Variants in ALMS1 observed in about 807,000 individuals in gnomAD.
The protein encoded by ALMS1 is centrosome-associated protein ALMS1.
In ALMS1, 271 loss-of-function variants were observed where a neutral mutation model predicts 352.2. The observed-to-expected ratio is 0.77, with a 90% CI of 0.70 to 0.85. ALMS1 has a LOEUF of 0.85. Among genes scored for constraint, ALMS1 ranks in the 40% least tolerant of loss-of-function variants. The pLI is 0.00. For missense variants in ALMS1, 5,445 were observed against 4,870.7 expected (o/e 1.12, Z -3.51); for synonymous variants, 1,865 against 1,761.2 (o/e 1.06, Z -1.48).
At chr2:73,570,483 G>A (rs912563237) in intron 15 of ALMS1, among the ~76,000 whole-genome samples, 1 of 152,154 alleles carries the variant, frequency 6.6e-6, no homozygotes, top group Non-Finnish European at 1.5e-5. Flanking sequence ...GTAATTTGAA[G>A]AGGGAATTGG....
chr2:73,405,027 T>C (rs1670946688), intron 1 of ALMS1, among the ~76,000 whole-genome samples: 1 of 145,252 alleles, frequency 6.9e-6, no homozygotes, highest in African/African-American at 2.5e-5. Flanking sequence ...TCCTCCTACC[T>C]CAGCCTCCCA....
chr2:73,432,550 T>G (rs1418092232), intron 7 of ALMS1, among the ~76,000 whole-genome samples: 1 of 152,168 alleles, frequency 6.6e-6, no homozygotes, highest in Non-Finnish European at 1.5e-5. Flanking sequence ...GCTGGGAGAT[T>G]CAGTGTCTTG....
intron 10 of ALMS1, among the ~76,000 whole-genome samples, chr2:73,512,187 C>T (rs562395079): frequency 2.6e-5 from 4 of 152,244 alleles, no homozygotes; most frequent in African/African-American, 7.2e-5. Flanking sequence ...CGGGTTCAAG[C>T]GATTCTCCTG....
intron 4 of ALMS1, among the ~76,000 whole-genome samples, chr2:73,423,669 TGA>T (rs1671325420): frequency 6.6e-6 from 1 of 152,206 alleles, no homozygotes; most frequent in African/African-American, 2.4e-5. Context: ...ATCACTTTTA[TGA>T]AAAGTGATCT....
Position 73,451,652 on chromosome 2 carries a change from T to G in ALMS1, c.5125T>G (p.Ser1709Ala), listed in dbSNP as rs749850118. The G allele has an allele frequency of 3.1e-6, 5 of 1,614,080 alleles. No homozygotes were observed. The South Asian group carries it at 5.5e-5, about 18-fold the overall frequency. ...AQKTETPSVSSSLYSYREKPI... is the reference protein window; with the variant it reads ...AQKTETPSVSASLYSYREKPI... ...GAAGACTGAGACACCATCAGTATCC[T>G]CTAGTTTATACTCATATAGAGAGAA... Residue 1709 changes from serine to alanine, a missense_variant, in exon 8 of 23, where the codon TCT becomes GCT. By Grantham distance (99) the Ser-to-Ala change is moderately conservative. Transcript: ENST00000613296.
intron 10 of ALMS1, among the ~76,000 whole-genome samples, chr2:73,514,031 A>G (rs539248072): frequency 1.3e-5 from 2 of 152,198 alleles, no homozygotes; most frequent in Non-Finnish European, 2.9e-5. Context: ...GAGAGGGGAA[A>G]GAGAATAGGA....
At chr2:73,563,100 A>C (rs552726948) in intron 15 of ALMS1, among the ~76,000 whole-genome samples, 1 of 151,948 alleles carries the variant, frequency 6.6e-6, no homozygotes, top group Admixed American at 6.5e-5. Context: ...CTATATTAAA[A>C]AAAAAAAAAC....
intron 1 of ALMS1, among the ~76,000 whole-genome samples, chr2:73,391,173 A>G (rs932965677): frequency 1.3e-5 from 2 of 151,600 alleles, no homozygotes; most frequent in African/African-American, 2.4e-5. Context: ...ATCCCCCCAT[A>G]AGCAGGTTAC....
chr2:73,481,145 C>T (rs1330846116), intron 9 of ALMS1, among the ~76,000 whole-genome samples: 1 of 152,150 alleles, frequency 6.6e-6, no homozygotes, highest in Non-Finnish European at 1.5e-5. Flanking sequence ...ACATGAAGTC[C>T]TTGCCCACAC....
rs559872736 is a variant in ALMS1 at position 73,576,030 on chromosome 2, T to C, written c.11547+2606T>C. On this transcript the variant is annotated intron_variant, in intron 16 of 22. Transcript: ENST00000613296. ...AGATAAGGGTCCACCTTCATTCTTC[T>C]GCATGTGAATATCCCGTTTTCTCAA... Among the ~76,000 whole-genome samples, 42 of 152,334 alleles carry C rather than the reference T, an allele frequency of 2.8e-4. 2 individuals are homozygous for C. The South Asian group carries it at 8.7e-3, about 32-fold the overall frequency.
intron 12 of ALMS1, among the ~76,000 whole-genome samples, chr2:73,542,422 G>C (rs1303336057): frequency 6.6e-6 from 1 of 152,120 alleles, no homozygotes; most frequent in Non-Finnish European, 1.5e-5. Flanking sequence ...ATTACTGAAT[G>C]GGAAAAAACT....
chr2:73,578,874 A>T (rs539127009), intron 16 of ALMS1, among the ~76,000 whole-genome samples: 2 of 152,026 alleles, frequency 1.3e-5, no homozygotes, highest in East Asian at 3.9e-4. Context: ...TAATTGTCTT[A>T]CCCTTATTTC....
chr2:73,418,340 C>G (rs1290127234), intron 2 of ALMS1, among the ~76,000 whole-genome samples: 1 of 152,082 alleles, frequency 6.6e-6, no homozygotes, highest in Non-Finnish European at 1.5e-5. Flanking sequence ...CTGAGAAGAG[C>G]CAGGGATCGT....
At chr2:73,467,787 A>G (rs1020270766) in intron 9 of ALMS1, among the ~76,000 whole-genome samples, 3 of 152,176 alleles carry the variant, frequency 2.0e-5, no homozygotes, top group African/African-American at 4.8e-5. Context: ...TGCCTCAACA[A>G]CCTTGAAAGC....
intron 9 of ALMS1, among the ~76,000 whole-genome samples, chr2:73,459,795 C>G (rs895678804): frequency 5.9e-5 from 9 of 152,222 alleles, no homozygotes; most frequent in Middle Eastern, 3.4e-3. Context: ...TCCATTTCTC[C>G]AAGGGGCGCT....
intron 12 of ALMS1, among the ~76,000 whole-genome samples, chr2:73,549,058 A>G (rs1465693152): frequency 1.3e-5 from 2 of 152,202 alleles, no homozygotes; most frequent in African/African-American, 4.8e-5. Flanking sequence ...GCACTGTACT[A>G]ATGATACAGG....
Position 73,448,265 on chromosome 2 carries a change from A to G in ALMS1, c.1738A>G (p.Lys580Glu), listed in dbSNP as rs1236423856. Residue 580 changes from lysine (K) to glutamate (E), a missense_variant, in exon 8 of 23, where the codon AAG becomes GAG. Lys to Glu is a moderately conservative substitution (Grantham distance 56). Coordinates refer to ENST00000613296, the MANE Select transcript of ALMS1 (RefSeq NM_001378454.1). ...VLSSSHSHRG[K>E]PSIFYQQGLP... ...CTCTAGTTCCCACTCACATAGGGGGAAGCCCAGCATTTTCTACCAGCAGGG... is the reference window on the plus strand; with the variant it reads ...CTCTAGTTCCCACTCACATAGGGGGGAGCCCAGCATTTTCTACCAGCAGGG... 6.2e-7 allele frequency: 1 copy of G among 1,613,840 alleles called. No individual in the cohort carries two copies. Among genetic ancestry groups the G allele is most frequent in the East Asian group, 2.2e-5 (1 of 44,882 alleles).
At chr2:73,595,144 T>C (rs1372012184) in intron 16 of ALMS1, among the ~76,000 whole-genome samples, 4 of 152,228 alleles carry the variant, frequency 2.6e-5, no homozygotes, top group Non-Finnish European at 5.9e-5. Context: ...AAGAGTGTCC[T>C]TCCTACTCCT....
At chr2:73,582,302 G>A (rs1456313959) in intron 16 of ALMS1, among the ~76,000 whole-genome samples, 6 of 151,962 alleles carry the variant, frequency 3.9e-5, no homozygotes, top group African/African-American at 1.5e-4. Flanking sequence ...TCATTCTGAT[G>A]TATTTATTAA....
Sources: allele counts gnomAD v4.1 joint callset (sites outside exome capture counted in the v4.1 genomes callset), GRCh38; gene constraint gnomAD v4.1.1; transcripts MANE v1.5; gene names NCBI Gene and HGNC (gene_info 2026-07-23, HGNC 2026-07-21).